DNAH11: variants seen among roughly 807,000 people sequenced by gnomAD.
DNAH11 encodes axonemal beta dynein heavy chain 11.
A neutral mutation model predicts 526.0 loss-of-function variants in DNAH11; 442 were observed. The observed-to-expected ratio is 0.84, with a 90% CI of 0.78 to 0.91. The LOEUF (loss-of-function observed/expected upper bound fraction) is 0.91, where lower values mean the gene tolerates loss of function less well. Among genes scored for constraint, DNAH11 ranks in the 40% least tolerant of loss-of-function variants. The pLI is 0.00. For missense variants in DNAH11, 6,989 were observed against 5,448.7 expected, an observed-to-expected ratio of 1.28 and a Z score of -8.90; for synonymous variants, 2,461 against 1,935.9, an observed-to-expected ratio of 1.27 and a Z score of -7.12.
Position 21,704,615 on chromosome 7 carries a change from G to A in DNAH11, c.6455G>A (p.Ser2152Asn). 6.3e-7 allele frequency: 1 copy of A among 1,594,200 alleles called. No homozygotes were observed. The highest frequency in any genetic ancestry group is 8.5e-7 in the Non-Finnish European group (1 of 1,174,770). ...GAGCTCCGCCTGCAGCCTGAAGAGA[G>A]CTTCATCCTCAAAGTAAAAGGAGCA... ...TLELRLQPEE[S>N]FILKVVQLEE... The change falls in exon 38 of 82, where the codon AGC (serine) becomes AAC (asparagine). Residue 2152 changes from serine to asparagine, a missense_variant. Ser to Asn is a conservative substitution (Grantham distance 46). Coordinates refer to ENST00000409508, the MANE Select transcript of DNAH11 (RefSeq NM_001277115.2).
chr7:21,758,915 C>CACCATCT (rs1297349761), intron 54 of DNAH11, among the ~76,000 whole-genome samples: 1 of 152,218 alleles, frequency 6.6e-6, no homozygotes, highest in Non-Finnish European at 1.5e-5. Context: ...TCAGCAGAAA[C>CACCATCT]ACCATCTACT....
Position 21,866,460 on chromosome 7 carries a change from C to G in DNAH11, c.11497-10C>G. The stretch of plus-strand genomic sequence containing the variant: ...ACACCATTCCTACTTGTTTCCCTAT[C>G]ATATTACAGGCAATTGCCGTCATGG... On this transcript the variant is annotated splice_polypyrimidine_tract_variant and intron_variant, in intron 70 of 81. Coordinates refer to ENST00000409508, the MANE Select transcript of DNAH11 (RefSeq NM_001277115.2). 6.2e-7 allele frequency: 1 copy of G among 1,604,204 alleles called. No homozygotes were observed. Among genetic ancestry groups the G allele is most frequent in the Non-Finnish European group, 8.5e-7 (1 of 1,176,068 alleles).
intron 2 of DNAH11, among the ~76,000 whole-genome samples, chr7:21,555,972 C>A (rs1047370936): frequency 2.0e-5 from 3 of 152,256 alleles, no homozygotes; most frequent in South Asian, 4.2e-4. Flanking sequence ...CTTTTAATGG[C>A]GGTCTTGCAA....
chr7:21,753,290 C>G (rs1412297897), intron 54 of DNAH11, among the ~76,000 whole-genome samples: 1 of 152,192 alleles, frequency 6.6e-6, no homozygotes, highest in Non-Finnish European at 1.5e-5. Context: ...CCCCCAAACC[C>G]TAAGCTCATG....
At chr7:21,686,975 A>T (rs1333209161) in intron 32 of DNAH11, 124 bp from the exon 33 acceptor site, 3 of 784,844 alleles carry the variant, frequency 3.8e-6, no homozygotes, top group Non-Finnish European at 5.6e-6. Flanking sequence ...TCAGAAGTAT[A>T]TCAGTATTTT....
chr7:21,606,008 G>A (rs1306209918), intron 18 of DNAH11, among the ~76,000 whole-genome samples: 1 of 152,176 alleles, frequency 6.6e-6, no homozygotes, highest in African/African-American at 2.4e-5. Flanking sequence ...ATGAAGAGAT[G>A]TCATGGGTTA....
At chr7:21,879,043 C>T (rs1331641488) in intron 74 of DNAH11, among the ~76,000 whole-genome samples, 1 of 152,184 alleles carries the variant, frequency 6.6e-6, no homozygotes, top group African/African-American at 2.4e-5. Flanking sequence ...TGAAATATGA[C>T]TTTTAAGCCA....
At chr7:21,664,624 A>G (rs1390577060) in intron 30 of DNAH11, among the ~76,000 whole-genome samples, 1 of 151,756 alleles carries the variant, frequency 6.6e-6, no homozygotes, top group Non-Finnish European at 1.5e-5. Flanking sequence ...ACAGCTGACT[A>G]ATTTTTGTTT....
At chr7:21,886,896 A>T (rs1296406799) in intron 76 of DNAH11, among the ~76,000 whole-genome samples, 1 of 152,196 alleles carries the variant, frequency 6.6e-6, no homozygotes, top group Non-Finnish European at 1.5e-5. Flanking sequence ...GCAAGCTGGC[A>T]TCCTCACTGG....
At chr7:21,844,439 A>G (rs888356632) in intron 66 of DNAH11, among the ~76,000 whole-genome samples, 5 of 152,164 alleles carry the variant, frequency 3.3e-5, no homozygotes, top group African/African-American at 1.2e-4. Context: ...AAAAACAAAA[A>G]CAAACAAAAA....
chr7:21,553,054 C>T (rs1783079536), intron 2 of DNAH11, among the ~76,000 whole-genome samples: 2 of 146,246 alleles, frequency 1.4e-5, no homozygotes, highest in African/African-American at 2.6e-5. Context: ...TATTTTCTCC[C>T]TTCAGTATAA....
chr7:21,673,847 T>C (rs1782742274), intron 30 of DNAH11, among the ~76,000 whole-genome samples: 1 of 152,162 alleles, frequency 6.6e-6, no homozygotes, highest in Admixed American at 6.5e-5. Flanking sequence ...TCTATTTCTG[T>C]TTTCTTTAAC....
At chr7:21,571,998 A>G in intron 8 of DNAH11, 25 bp downstream of exon 8, 1 of 1,472,572 alleles carries the variant, frequency 6.8e-7, no homozygotes, top group African/African-American at 1.4e-5. Flanking sequence ...TTGCATTTTC[A>G]TTGCATGGGA....
chr7:21,742,113 G>T lies in DNAH11; in HGVS notation c.8101G>T (p.Ala2701Ser), dbSNP rs773513986. Residue 2701 changes from alanine to serine, a missense_variant, in exon 49 of 82, where the codon GCT (alanine) becomes TCT (serine). Coordinates refer to ENST00000409508, the MANE Select transcript of DNAH11 (RefSeq NM_001277115.2). ...QTMMCNFLPTAIKFHYIFNLR... is the reference protein window; with the variant it reads ...QTMMCNFLPTSIKFHYIFNLR... ...AATGATGTGTAACTTTTTACCCACG[G>T]CTATTAAATTCCACTACATCTTTAA... 6.2e-7 allele frequency: 1 copy of T among 1,613,784 alleles called. No homozygotes were observed. Among genetic ancestry groups the T allele is most frequent in the Non-Finnish European group, 8.5e-7 (1 of 1,179,818 alleles).
At chr7:21,720,894 T>A (rs1444095053) in intron 44 of DNAH11, 38 bp downstream of exon 44, 3 of 1,601,872 alleles carry the variant, frequency 1.9e-6, no homozygotes, top group Non-Finnish European at 2.6e-6. Context: ...AGTTTCCAGT[T>A]TTGTGTGGGA....
intron 76 of DNAH11, among the ~76,000 whole-genome samples, chr7:21,884,642 C>T (rs565091986): frequency 1.3e-5 from 2 of 152,204 alleles, no homozygotes; most frequent in South Asian, 2.1e-4. Flanking sequence ...AGAGAGTGCA[C>T]CAGCGTGAGG....
At chr7:21,748,941 A>G (rs1181572249) in intron 52 of DNAH11, among the ~76,000 whole-genome samples, 199 bp downstream of exon 52, 2 of 152,164 alleles carry the variant, frequency 1.3e-5, no homozygotes, top group African/African-American at 4.8e-5. Flanking sequence ...ATAAATTTCT[A>G]CAAGTTTTGT....
rs56257528 is a variant in DNAH11, at chr7:21,638,691, GGTGTGT to G, written c.4818-211_4818-206del. The stretch of plus-strand genomic sequence containing the variant: ...ATTCATATTTAGCCACAGCTAATGG[GGTGTGT>G]GTGTGTGTGTGTGTGTGTGTGTGTG... On this transcript the variant is annotated intron_variant, in intron 27 of 81. Transcript: ENST00000409508. 0.071 allele frequency among the ~76,000 whole-genome samples: 10,241 copies of G among 143,954 alleles called. 626 individuals carry two copies. The highest frequency in any genetic ancestry group is 0.22 in the Admixed American group (3,154 of 14,448). 94.4% of individuals were successfully genotyped at this position (143,954 alleles called of 152,430 possible). A position where few individuals can be genotyped will look rare whatever the true frequency, so the allele number is the denominator to read the frequency against.
At chr7:21,619,922 T>A in intron 24 of DNAH11, 34 bp from the exon 25 acceptor site, 1 of 1,527,568 alleles carries the variant, frequency 6.5e-7, no homozygotes, top group Non-Finnish European at 8.8e-7. Flanking sequence ...ATCAATTAAA[T>A]TTTGTGCACA....
Sources: allele counts gnomAD v4.1 joint callset (sites outside exome capture counted in the v4.1 genomes callset), GRCh38; gene constraint gnomAD v4.1.1; transcripts MANE v1.5; gene names NCBI Gene and HGNC (gene_info 2026-07-23, HGNC 2026-07-21).